Variants in COL4A3 observed in about 807,000 individuals in gnomAD.
The protein encoded by COL4A3 is collagen alpha-3(IV) chain.
A neutral mutation model predicts 217.4 loss-of-function variants in COL4A3; 135 were observed. The ratio of observed to expected loss-of-function variants is 0.62; its 90% CI spans 0.54 to 0.72. COL4A3 has a LOEUF of 0.72. COL4A3 is among the 30% of genes least tolerant of loss of function. The pLI, the probability that COL4A3 is intolerant of heterozygous loss-of-function variation, is 0.00. For synonymous variants in COL4A3, 690 were observed against 736.3 expected, an observed-to-expected ratio of 0.94 and a Z score of 1.02; for missense variants, 1,868 against 2,119.9, an observed-to-expected ratio of 0.88 and a Z score of 2.33.
At chr2:227,283,621 C>A in intron 32 of COL4A3, 146 bp from the exon 33 acceptor site, 1 of 693,912 alleles carries the variant, frequency 1.4e-6, no homozygotes, top group South Asian at 1.7e-5. Context: ...ATCTCCTAGA[C>A]TAATACAGTA....
At chr2:227,201,191 C>T (rs937453748) in intron 1 of COL4A3, among the ~76,000 whole-genome samples, 1 of 152,088 alleles carries the variant, frequency 6.6e-6, no homozygotes, top group Non-Finnish European at 1.5e-5. Flanking sequence ...ACAGTATTTA[C>T]TTAGCATCTG....
At chr2:227,267,498 A>G (rs1488240242) in intron 23 of COL4A3, among the ~76,000 whole-genome samples, 1 of 152,236 alleles carries the variant, frequency 6.6e-6, no homozygotes, top group Non-Finnish European at 1.5e-5. Flanking sequence ...TAAAAGAGTC[A>G]TAGAAAAATG....
intron 22 of COL4A3, 72 bp downstream of exon 22, chr2:227,266,581 C>A: frequency 8.3e-7 from 1 of 1,209,284 alleles, no homozygotes; most frequent in Non-Finnish European, 1.2e-6. Context: ...ATTTTTCCCC[C>A]TGAGATAACA....
At chr2:227,240,295 TG>T in intron 3 of COL4A3, 63 bp downstream of exon 3, 2 of 1,450,886 alleles carry the variant, frequency 1.4e-6, no homozygotes, top group Non-Finnish European at 1.9e-6. Context: ...GCCTACCCCC[TG>T]GCTGCTGCAA....
At chr2:227,267,240 T>C (rs991584078) in intron 23 of COL4A3, 152 bp downstream of exon 23, 1 of 677,032 alleles carries the variant, frequency 1.5e-6, no homozygotes, top group South Asian at 1.7e-5. Context: ...TAACATAAAG[T>C]CAGCCAAAAT....
In COL4A3 at chr2:227,281,049, A is replaced by G. The variant is rs1162545747; in HGVS notation, c.2488+43A>G. 4.2e-6 allele frequency: 5 copies of G among 1,181,494 alleles called. No homozygotes were observed. In the Admixed American group the frequency reaches 9.9e-5, roughly 23 times the overall value. The allele number at this position is 1,181,494 out of a possible 1,614,324, so 73.2% of individuals were successfully genotyped here. A position where few individuals can be genotyped will look rare whatever the true frequency, so the allele number is the denominator to read the frequency against. On this transcript the variant is annotated intron_variant, in intron 31 of 51. Coordinates refer to ENST00000396578, the MANE Select transcript of COL4A3 (RefSeq NM_000091.5). Reference sequence around the variant, plus strand: ...AAACTGGCCACCAGAAGGGCAGGAGACATGAGACTCCTGCTCTGTGCTTTG... The same window carrying G: ...AAACTGGCCACCAGAAGGGCAGGAGGCATGAGACTCCTGCTCTGTGCTTTG...
chr2:227,280,502 C>CAATTCTGGGGAACATGGAGA lies in COL4A3; in HGVS notation c.2291_2310dup (p.Gly771LeufsTer47). 1 of 1,614,094 alleles carries CAATTCTGGGGAACATGGAGA rather than the reference C, an allele frequency of 6.2e-7. No homozygotes were observed. Among genetic ancestry groups the CAATTCTGGGGAACATGGAGA allele is most frequent in the Non-Finnish European group, 8.5e-7 (1 of 1,179,980 alleles). ...CACCAGGTTTTCCAGGAGAAAGAGG[C>CAATTCTGGGGAACATGGAGA]AATTCTGGGGAACATGGAGAAATTG... On this transcript the variant is annotated frameshift_variant, in exon 30 of 52. Coordinates refer to ENST00000396578, the MANE Select transcript of COL4A3 (RefSeq NM_000091.5). LOFTEE classifies it high-confidence loss of function.
intron 1 of COL4A3, among the ~76,000 whole-genome samples, chr2:227,192,471 G>C (rs547340815): frequency 2.8e-5 from 2 of 70,980 alleles, no homozygotes; most frequent in East Asian, 1.0e-3. Flanking sequence ...TTTCATCTCA[G>C]CTAATTGTGG....
rs12621551 is a variant in COL4A3, at chr2:227,253,687, T to C, written c.765+49T>C. On this transcript the variant is annotated intron_variant, in intron 13 of 51. Coordinates refer to ENST00000396578, the MANE Select transcript of COL4A3 (RefSeq NM_000091.5). The surrounding 1 kb of genome is among the most constrained non-coding windows in gnomAD (Gnocchi z 4.4). ...GTGTTGTGCCTTCCCGTGTCTAGGATGAAGTCCTTGTGACCCTGCACCTCT... is the reference window on the plus strand; with the variant it reads ...GTGTTGTGCCTTCCCGTGTCTAGGACGAAGTCCTTGTGACCCTGCACCTCT... The C allele has an allele frequency of 6.7e-7, 1 of 1,492,664 alleles. No homozygotes were observed. Among genetic ancestry groups the C allele is most frequent in the African/African-American group, 1.4e-5 (1 of 72,324 alleles). 92.5% of individuals were successfully genotyped at this position (1,492,664 alleles called of 1,614,324 possible). A position where few individuals can be genotyped will look rare whatever the true frequency, so the allele number is the denominator to read the frequency against.
intron 16 of COL4A3, 69 bp from the exon 17 acceptor site, chr2:227,256,274 G>A (rs1344000376): frequency 2.8e-6 from 4 of 1,414,652 alleles, no homozygotes; most frequent in Non-Finnish European, 3.0e-6. Context: ...AGTTCAAATT[G>A]CACCTGCTCC....
intron 35 of COL4A3, 39 bp downstream of exon 35, chr2:227,289,287 C>T (rs2072535153): frequency 6.6e-6 from 10 of 1,505,602 alleles, no homozygotes; most frequent in Non-Finnish European, 9.2e-6. Flanking sequence ...TCACATTTTA[C>T]ACTTTCCTAC....
Position 227,263,729 on chromosome 2 carries a change from G to C in COL4A3, c.1151-51G>C, listed in dbSNP as rs547169707. 4 of 1,533,850 alleles carry C rather than the reference G, an allele frequency of 2.6e-6. No homozygotes were observed. In the South Asian group the frequency reaches 4.7e-5, roughly 18 times the overall value. Reference sequence around the variant, plus strand: ...ACTCTTGCAATTAAAAAATAAATTCGTATTAATCAGGAAAAAATGTAAAAT... The same window carrying C: ...ACTCTTGCAATTAAAAAATAAATTCCTATTAATCAGGAAAAAATGTAAAAT... On this transcript the variant is annotated intron_variant, in intron 20 of 51. Transcript: ENST00000396578.
Position 227,284,351 on chromosome 2 carries a change from G to T in COL4A3, c.2881+6G>T, listed in dbSNP as rs886055740. On this transcript the variant is annotated splice_donor_region_variant and intron_variant, in intron 34 of 51. Transcript: ENST00000396578. ...AGGAGAACCAGGTCTCAAAGGTAAA[G>T]AATTGCTTGTTTGGAATCAGGACAT... is the stretch of plus-strand genomic sequence containing the variant. 1.2e-6 allele frequency: 2 copies of T among 1,612,554 alleles called. No homozygotes were observed. Among genetic ancestry groups the T allele is most frequent in the African/African-American group, 1.3e-5 (1 of 75,028 alleles).
At chr2:227,225,963 C>T (rs1039234952) in intron 1 of COL4A3, among the ~76,000 whole-genome samples, 5 of 152,124 alleles carry the variant, frequency 3.3e-5, no homozygotes, top group East Asian at 1.9e-4. Context: ...CCACCCGCCT[C>T]GGCTTCCCAA....
rs1329549008 is a variant in COL4A3, at chr2:227,290,000, C to T, written c.2982C>T (p.Gly994=). 4 of 1,613,694 alleles carry T rather than the reference C, an allele frequency of 2.5e-6. No homozygotes were observed. The highest frequency in any genetic ancestry group is 3.4e-6 in the Non-Finnish European group (4 of 1,179,766). The change falls in exon 36 of 52, where the codon GGC becomes GGT. Residue 994 remains glycine, a splice_region_variant and synonymous_variant. Transcript: ENST00000396578. ...AATAACTACTTATTTGTTCTCAAGG[C>T]CCCAGAGGAGATTTGGGCAGCACTG... ...KGLPGPAGPP[G]PRGDLGSTGN...
chr2:227,269,887 G>C (rs1338112138), intron 23 of COL4A3, 23 bp from the exon 24 acceptor site: 1 of 1,609,938 alleles, frequency 6.2e-7, no homozygotes, highest in African/African-American at 1.3e-5. Flanking sequence ...TGAGGAGTTA[G>C]TTAATAATTC....
chr2:227,202,239 G>A lies in COL4A3; in HGVS notation c.88-35729G>A, dbSNP rs759038059. On this transcript the variant is annotated intron_variant, in intron 1 of 51. Coordinates refer to ENST00000396578, the MANE Select transcript of COL4A3 (RefSeq NM_000091.5). ...TGTGGTATGCAATTCACCTGTATTC[G>A]GAGAGCTATGTAATTTACACTTGTC... 3.9e-5 allele frequency among the ~76,000 whole-genome samples: 6 copies of A among 152,074 alleles called. No individual in the cohort carries two copies. In the South Asian group the frequency reaches 8.3e-4, roughly 21 times the overall value.
chr2:227,185,196 G>A (rs896050324), intron 1 of COL4A3, among the ~76,000 whole-genome samples: 12 of 152,006 alleles, frequency 7.9e-5, no homozygotes, highest in Admixed American at 5.2e-4. Context: ...CACAGCGCCC[G>A]GCCCTCACTG....
chr2:227,226,436 C>A (rs2068094589), intron 1 of COL4A3, among the ~76,000 whole-genome samples: 1 of 151,392 alleles, frequency 6.6e-6, no homozygotes, highest in Non-Finnish European at 1.5e-5. Flanking sequence ...GAACTCACAG[C>A]TGATCTCTTC....
Sources: allele counts gnomAD v4.1 joint callset (sites outside exome capture counted in the v4.1 genomes callset), GRCh38; gene constraint gnomAD v4.1.1; non-coding constraint Gnocchi (gnomAD v3.1); transcripts MANE v1.5; gene names NCBI Gene and HGNC (gene_info 2026-07-23, HGNC 2026-07-21).